MGA: variants seen among roughly 807,000 people sequenced by gnomAD.
MGA encodes the protein MAX dimerization protein MGA.
A neutral mutation model predicts 261.1 loss-of-function variants in MGA; 40 were observed. The ratio of observed to expected loss-of-function variants is 0.15; its 90% CI spans 0.12 to 0.20. The LOEUF (loss-of-function observed/expected upper bound fraction) is 0.20. Ranked by LOEUF, MGA falls within the 10% of genes least tolerant of loss-of-function variation. The probability of loss-of-function intolerance (pLI) is 1.00; values close to 1 mark genes in which losing one functional copy is unlikely to be tolerated. For missense variants in MGA, 3,397 were observed against 3,630.5 expected (o/e 0.94, Z 1.65); for synonymous variants, 1,302 against 1,290.6 (o/e 1.01, Z -0.19).
chr15:41,722,988 C>T (rs958085285), intron 9 of MGA, among the ~76,000 whole-genome samples: 1 of 152,178 alleles, frequency 6.6e-6, no homozygotes, highest in Non-Finnish European at 1.5e-5. Flanking sequence ...AAAAGGCTTA[C>T]TGAGAAGCCA....
chr15:41,700,788 A>G (rs1402520463), intron 5 of MGA, among the ~76,000 whole-genome samples: 1 of 152,166 alleles, frequency 6.6e-6, no homozygotes, highest in African/African-American at 2.4e-5. Context: ...TTGATTTTAG[A>G]TAGGCATCTT....
In MGA at chr15:41,725,851, A is replaced by T. The variant is rs1201284032; in HGVS notation, c.3431-1329A>T. On this transcript the variant is annotated intron_variant, in intron 9 of 23. Coordinates refer to ENST00000219905, the MANE Select transcript of MGA (RefSeq NM_001164273.2). ...CTCCGTCTCAAAAAAAAAAAAAAAA[A>T]AAAAATAAATAAATAAATAAATAAA... Among the ~76,000 whole-genome samples the T allele has an allele frequency of 1.7e-3, 12 of 7,120 alleles. 5 individuals carry two copies. The Admixed American group carries it at 0.021, about 13-fold the overall frequency. 4.7% of individuals were successfully genotyped at this position (7,120 alleles called of 152,430 possible).
intron 9 of MGA, among the ~76,000 whole-genome samples, chr15:41,718,112 A>C (rs1426763618): frequency 6.6e-6 from 1 of 151,680 alleles, no homozygotes; most frequent in Non-Finnish European, 1.5e-5. Flanking sequence ...TAAGGATAGA[A>C]ATTTGATTTA....
At chr15:41,712,586 G>C (rs950125261) in intron 8 of MGA, among the ~76,000 whole-genome samples, 2 of 152,164 alleles carry the variant, frequency 1.3e-5, no homozygotes, top group Non-Finnish European at 2.9e-5. Context: ...AAGATCATCA[G>C]ATGTTGGAAC....
chr15:41,696,244 G>A lies in MGA; in HGVS notation c.1234G>A (p.Asp412Asn). 1.2e-6 allele frequency: 2 copies of A among 1,613,930 alleles called. No individual in the cohort carries two copies. Among genetic ancestry groups the A allele is most frequent in the Non-Finnish European group, 1.7e-6 (2 of 1,179,886 alleles). The stretch of plus-strand genomic sequence containing the variant: ...ACAGGAAGAGACAGATGAAGAGACG[G>A]ATGTATACTCAAACAGTGATGATGA... The change falls in exon 3 of 24, where the codon GAT becomes AAT. Residue 412 changes from aspartate (D) to asparagine (N), a missense_variant. By Grantham distance (23) the Asp-to-Asn change is conservative (BLOSUM62 1). Around this residue, in one of 9 missense-constraint regions of MGA, gnomAD observed 563 missense variants for 563.6 expected, o/e 1.00. Transcript: ENST00000219905.
chr15:41,741,247 T>A (rs1158711118), intron 14 of MGA, among the ~76,000 whole-genome samples: 1 of 143,164 alleles, frequency 7.0e-6, no homozygotes. Flanking sequence ...CTGGGGAGGC[T>A]GAGGCAGGAG....
chr15:41,668,837 G>A lies in MGA; in HGVS notation c.-58G>A. On this transcript the variant is annotated 5_prime_UTR_variant, in exon 2 of 24. Coordinates refer to ENST00000219905, the MANE Select transcript of MGA (RefSeq NM_001164273.2). ...TTTGCTTGTTTCTTAGGATGGGAAG[G>A]CCATTGTGACTATGTGGTGATTACA... is the stretch of plus-strand genomic sequence containing the variant. The A allele has an allele frequency of 7.9e-7, 1 of 1,261,242 alleles. No homozygotes were observed. Among genetic ancestry groups the A allele is most frequent in the Non-Finnish European group, 1.1e-6 (1 of 935,402 alleles). 78.1% of individuals were successfully genotyped at this position (1,261,242 alleles called of 1,614,324 possible).
intron 7 of MGA, among the ~76,000 whole-genome samples, chr15:41,710,137 G>A (rs1032388460): frequency 3.2e-4 from 49 of 152,180 alleles, no homozygotes; most frequent in African/African-American, 1.1e-3. Flanking sequence ...TCCCTGTTAC[G>A]TTTTTACTTA....
chr15:41,757,800 C>A lies in MGA; in HGVS notation c.7152C>A (p.His2384Gln). 1 of 1,610,552 alleles carries A rather than the reference C, an allele frequency of 6.2e-7. No individual in the cohort carries two copies. The highest frequency in any genetic ancestry group is 8.5e-7 in the Non-Finnish European group (1 of 1,177,306). The change falls in exon 19 of 24, where the codon CAC (histidine) becomes CAA (glutamine). Residue 2384 changes from histidine to glutamine, a missense_variant. By Grantham distance (24) the His-to-Gln change is conservative. Around this residue, in one of 9 missense-constraint regions of MGA, gnomAD observed 1,410 missense variants for 1,386.4 expected, o/e 1.02. Transcript: ENST00000219905. ...TGTCTTTATCCAGGTCCTGTACTCA[C>A]ATCTCTGCAGATGAAAAAGCAGCTG...
At chr15:41,712,723 A>G (rs2060449712) in intron 8 of MGA, among the ~76,000 whole-genome samples, 1 of 152,150 alleles carries the variant, frequency 6.6e-6, no homozygotes, top group Non-Finnish European at 1.5e-5. Context: ...AGGGCCAAAT[A>G]GTAAATATTT....
intron 20 of MGA, among the ~76,000 whole-genome samples, 197 bp downstream of exon 20, chr15:41,760,726 G>A (rs981140942): frequency 6.3e-5 from 8 of 126,472 alleles, no homozygotes; most frequent in Non-Finnish European, 1.2e-4. Flanking sequence ...GGTTTTCATT[G>A]AAAGTCAGAT....
At chr15:41,738,073 C>A (rs779574838) in intron 13 of MGA, among the ~76,000 whole-genome samples, 1 of 152,004 alleles carries the variant, frequency 6.6e-6, no homozygotes, top group Non-Finnish European at 1.5e-5. Context: ...AGATTGGCTG[C>A]TTCTAAGTCA....
intron 10 of MGA, among the ~76,000 whole-genome samples, chr15:41,728,275 G>C (rs1251756925): frequency 6.6e-6 from 1 of 152,186 alleles, no homozygotes; most frequent in African/African-American, 2.4e-5. Context: ...AGGTTGTGGT[G>C]AGCCGAGATT....
chr15:41,642,918 T>G (rs2056853136), intron 1 of MGA, among the ~76,000 whole-genome samples: 1 of 150,562 alleles, frequency 6.6e-6, no homozygotes. Context: ...CCTTTTTTTT[T>G]TTTTTTTCTT....
chr15:41,687,385 CTTTTGTATTTGTA>C lies in MGA; in HGVS notation c.1065-8673_1065-8661del, dbSNP rs1031364428. Among the ~76,000 whole-genome samples, 12 of 152,020 alleles carry C rather than the reference CTTTTGTATTTGTA, an allele frequency of 7.9e-5. 1 individual carries two copies. Among genetic ancestry groups the C allele is most frequent in the Middle Eastern group, 6.8e-3 (2 of 294 alleles). ...TTTTTTGGAAGACAGTCATGCTTGT[CTTTTGTATTTGTA>C]TTTTGTATTTGTATTTATTTTATTT... On this transcript the variant is annotated intron_variant, in intron 2 of 23. Coordinates refer to ENST00000219905, the MANE Select transcript of MGA (RefSeq NM_001164273.2).
chr15:41,699,709 C>G (rs533860470), intron 5 of MGA, among the ~76,000 whole-genome samples: 2 of 152,256 alleles, frequency 1.3e-5, no homozygotes, highest in South Asian at 4.1e-4. Flanking sequence ...ACCGTGTTAG[C>G]CAGGATGGTC....
chr15:41,723,413 T>C (rs2061055771), intron 9 of MGA, among the ~76,000 whole-genome samples: 1 of 152,188 alleles, frequency 6.6e-6, no homozygotes, highest in South Asian at 2.1e-4. Flanking sequence ...TGCTATTTTA[T>C]TTATTTACAT....
intron 9 of MGA, among the ~76,000 whole-genome samples, chr15:41,721,167 TTAAAA>T (rs1222014338): frequency 1.3e-5 from 2 of 151,990 alleles, no homozygotes; most frequent in Non-Finnish European, 1.5e-5. Flanking sequence ...TTTGACAACT[TTAAAA>T]TAAGAAATTC....
At chr15:41,627,302 A>C (rs2056479666) in intron 1 of MGA, among the ~76,000 whole-genome samples, 1 of 152,188 alleles carries the variant, frequency 6.6e-6, no homozygotes, top group South Asian at 2.1e-4. Flanking sequence ...TTGTTTCACT[A>C]TTCCATCCAA....
Sources: allele counts gnomAD v4.1 joint callset (sites outside exome capture counted in the v4.1 genomes callset), GRCh38; gene constraint gnomAD v4.1.1; regional missense constraint gnomAD v4.1.1; transcripts MANE v1.5; gene names NCBI Gene and HGNC (gene_info 2026-07-23, HGNC 2026-07-21).